Variants in NUAK1 observed in about 807,000 individuals in gnomAD.
The protein encoded by NUAK1 is NUAK family kinase 1, also known as NUAK family SNF1-like kinase 1.
A neutral mutation model predicts 56.9 loss-of-function variants in NUAK1; 26 were observed. That is an observed-to-expected ratio of 0.46 (90% CI 0.33 to 0.63). The LOEUF (loss-of-function observed/expected upper bound fraction) is 0.63, where lower values mean the gene tolerates loss of function less well. Ranked by LOEUF, NUAK1 falls within the 30% of genes least tolerant of loss-of-function variation. NUAK1 has a pLI of 0.02. For missense variants in NUAK1, 727 were observed against 876.1 expected (o/e 0.83, Z 2.15); for synonymous variants, 337 against 336.0 (o/e 1.00, Z -0.03).
At chr12:106,116,333 C>T (rs899790035) in intron 1 of NUAK1, among the ~76,000 whole-genome samples, 3 of 152,184 alleles carry the variant, frequency 2.0e-5, no homozygotes, top group African/African-American at 7.2e-5. Flanking sequence ...CCCAAAATCA[C>T]TGAGCCTGAA....
Position 106,086,653 on chromosome 12 carries a change from T to C in NUAK1, c.513+81A>G, listed in dbSNP as rs959979864. The C allele has an allele frequency of 8.3e-6, 12 of 1,438,482 alleles. No individual in the cohort carries two copies. In the Admixed American group the frequency reaches 1.0e-4, roughly 12 times the overall value. 89.1% of individuals were successfully genotyped at this position (1,438,482 alleles called of 1,614,324 possible). On this transcript the variant is annotated intron_variant, in intron 3 of 6. Coordinates refer to ENST00000261402, the MANE Select transcript of NUAK1 (RefSeq NM_014840.3). ...CCATACATGCTCCCATGAACAGATA[T>C]CACTTTTATAATAGGAAAAAAATCA...
chr12:106,094,430 A>C (rs561531984), intron 2 of NUAK1, among the ~76,000 whole-genome samples: 1 of 152,342 alleles, frequency 6.6e-6, no homozygotes, highest in South Asian at 2.1e-4. Flanking sequence ...TTTAGTCAAT[A>C]CAAGACTCAT....
At chr12:106,101,805 A>T (rs2032751732) in intron 2 of NUAK1, among the ~76,000 whole-genome samples, 1 of 152,184 alleles carries the variant, frequency 6.6e-6, no homozygotes, top group Admixed American at 6.5e-5. Context: ...AAAGGAGACC[A>T]GATGTGGGAG....
chr12:106,070,126 G>T (rs1475712954), intron 6 of NUAK1, among the ~76,000 whole-genome samples: 3 of 152,150 alleles, frequency 2.0e-5, no homozygotes, highest in Admixed American at 2.0e-4. Context: ...GCCACTGTGG[G>T]GTGGCACCTC....
At chr12:106,106,284 C>T in intron 2 of NUAK1, 121 bp downstream of exon 2, 1 of 844,794 alleles carries the variant, frequency 1.2e-6, no homozygotes, top group Non-Finnish European at 1.8e-6. Context: ...ACTATTTTTG[C>T]ATCATGAGGA....
In NUAK1 at chr12:106,067,765, C is replaced by T. The variant is rs1265077591; in HGVS notation, c.1023G>A (p.Leu341=). Residue 341 remains leucine (L), a synonymous_variant, in exon 7 of 7, where the codon CTG becomes CTA. Transcript: ENST00000261402. The surrounding 1 kb of genome is among the most constrained non-coding windows in gnomAD (Gnocchi z 6.0). ...TCATTTTGGCTTCGGTGTCAGCCTG[C>T]AGCCCTGTGGAACGGTGGTGCCAGT... The part of the protein sequence containing the change: ...IIDWHHRSTG[L]QADTEAKMKG... The T allele has an allele frequency of 6.2e-7, 1 of 1,614,210 alleles. No homozygotes were observed. The highest frequency in any genetic ancestry group is 1.1e-5 in the South Asian group (1 of 91,084).
At chr12:106,104,102 G>T (rs1387120775) in intron 2 of NUAK1, 10 of 147,362 alleles carry the variant, frequency 6.8e-5, no homozygotes, top group Admixed American at 4.1e-4. Flanking sequence ...GTCTCACTTG[G>T]TTGCCCAGGC....
intron 1 of NUAK1, among the ~76,000 whole-genome samples, chr12:106,110,796 A>G (rs1446980137): frequency 6.6e-6 from 1 of 152,250 alleles, no homozygotes; most frequent in African/African-American, 2.4e-5. Context: ...CTTCTGCAGC[A>G]GCAGGTTTGG....
intron 4 of NUAK1, among the ~76,000 whole-genome samples, chr12:106,076,838 G>A (rs1415845920): frequency 6.6e-6 from 1 of 152,214 alleles, no homozygotes; most frequent in Non-Finnish European, 1.5e-5. Context: ...GAGGTTGCCA[G>A]TGGCTGGGAG....
At chr12:106,093,340 G>C (rs1397301166) in intron 2 of NUAK1, among the ~76,000 whole-genome samples, 1 of 152,252 alleles carries the variant, frequency 6.6e-6, no homozygotes, top group African/African-American at 2.4e-5. Flanking sequence ...TTTCTTGTTT[G>C]CTGTTTATTT....
At chr12:106,076,442 T>C (rs1193126722) in intron 4 of NUAK1, among the ~76,000 whole-genome samples, 2 of 152,204 alleles carry the variant, frequency 1.3e-5, no homozygotes, top group Non-Finnish European at 2.9e-5. Flanking sequence ...GGTACCTACC[T>C]AGCTGGCATT....
At position 106,070,764 on chromosome 12, in the gene NUAK1, G is replaced by A; in HGVS notation, c.832+10C>T. Reference sequence around the variant, plus strand: ...CTCCACCTCTGACCCTCCCTCCACAGGGCACGCACCTGAGGGCTGTGTTGG... The same window carrying A: ...CTCCACCTCTGACCCTCCCTCCACAAGGCACGCACCTGAGGGCTGTGTTGG... On this transcript the variant is annotated intron_variant, in intron 6 of 6. Transcript: ENST00000261402. The A allele has an allele frequency of 6.2e-7, 1 of 1,614,106 alleles. No homozygotes were observed. Among genetic ancestry groups the A allele is most frequent in the East Asian group, 2.2e-5 (1 of 44,880 alleles).
intron 1 of NUAK1, among the ~76,000 whole-genome samples, chr12:106,111,321 T>C (rs1371818702): frequency 1.3e-5 from 2 of 152,106 alleles, no homozygotes; most frequent in Non-Finnish European, 2.9e-5. Flanking sequence ...CTCCCCACAT[T>C]TGCACAGTGG....
At chr12:106,074,749 A>G (rs1336938774) in intron 4 of NUAK1, among the ~76,000 whole-genome samples, 1 of 152,152 alleles carries the variant, frequency 6.6e-6, no homozygotes. Flanking sequence ...CACAGCCCCT[A>G]GAAGCAGCCT....
intron 2 of NUAK1, among the ~76,000 whole-genome samples, chr12:106,095,501 T>C (rs1050208699): frequency 2.6e-5 from 4 of 152,226 alleles, no homozygotes; most frequent in African/African-American, 9.6e-5. Context: ...CTGGGCAAGT[T>C]ACTTAGCCTT....
chr12:106,067,803 C>A lies in NUAK1; in HGVS notation c.985G>T (p.Ala329Ser). The A allele has an allele frequency of 1.9e-6, 3 of 1,614,200 alleles. No individual in the cohort carries two copies. Among genetic ancestry groups the A allele is most frequent in the Non-Finnish European group, 2.5e-6 (3 of 1,180,034 alleles). The change falls in exon 7 of 7, where the codon GCT (alanine) becomes TCT (serine). Residue 329 changes from alanine (A) to serine (S), a missense_variant. Ala to Ser is a moderately conservative substitution (Grantham distance 99). Transcript: ENST00000261402. This position sits in a 1 kb window ranked among gnomAD's most constrained non-coding sequence, Gnocchi z 6.0. ...CGGTGGTGCCAGTCAATGATCCGAG[C>A]CAGGAGTGGGGACTCAGAGTCATGG... is the stretch of plus-strand genomic sequence containing the variant. ...ALHDSESPLL[A>S]RIIDWHHRST...
chr12:106,134,850 G>A (rs1413061357), intron 1 of NUAK1, among the ~76,000 whole-genome samples: 3 of 152,100 alleles, frequency 2.0e-5, no homozygotes, highest in East Asian at 3.9e-4. Flanking sequence ...ATCTGAATCT[G>A]GCTAATTATC....
At chr12:106,122,768 G>A (rs1014413993) in intron 1 of NUAK1, among the ~76,000 whole-genome samples, 6 of 152,164 alleles carry the variant, frequency 3.9e-5, no homozygotes, top group Admixed American at 1.3e-4. Context: ...ATACTCGGGT[G>A]TCCCCAAGTC....
chr12:106,108,187 G>C (rs1034081530), intron 1 of NUAK1, among the ~76,000 whole-genome samples: 8 of 151,990 alleles, frequency 5.3e-5, no homozygotes, highest in Admixed American at 2.6e-4. Context: ...AAAAAAAGGG[G>C]GAACCACCCC....
Sources: allele counts gnomAD v4.1 joint callset (sites outside exome capture counted in the v4.1 genomes callset), GRCh38; gene constraint gnomAD v4.1.1; non-coding constraint Gnocchi (gnomAD v3.1); transcripts MANE v1.5; gene names NCBI Gene and HGNC (gene_info 2026-07-23, HGNC 2026-07-21).